Variants in RGS7 observed in about 807,000 individuals in gnomAD.
RGS7 encodes regulator of G protein signaling 7, also known as regulator of G-protein signaling 7.
In RGS7, 27 loss-of-function variants were observed where a neutral mutation model predicts 81.1. The observed-to-expected ratio is 0.33, with a 90% CI of 0.25 to 0.46. RGS7 has a LOEUF of 0.46. Among genes scored for constraint, RGS7 ranks in the 20% least tolerant of loss-of-function variants. The probability of loss-of-function intolerance (pLI) is 1.00; values close to 1 mark genes in which losing one functional copy is unlikely to be tolerated. For missense variants in RGS7, 396 were observed against 607.4 expected (o/e 0.65, Z 3.66); for synonymous variants, 208 against 207.7 (o/e 1.00, Z -0.01).
chr1:240,916,653 G>C (rs1055938788), intron 6 of RGS7, among the ~76,000 whole-genome samples: 1 of 152,188 alleles, frequency 6.6e-6, no homozygotes, highest in Non-Finnish European at 1.5e-5. Context: ...AAGAGACTCA[G>C]GAGATGGGCC....
At chr1:241,346,870 A>T (rs1289784657) in intron 2 of RGS7, among the ~76,000 whole-genome samples, 2 of 152,256 alleles carry the variant, frequency 1.3e-5, no homozygotes, top group Admixed American at 6.5e-5. Flanking sequence ...GTGACAAATG[A>T]CATTGATTTC....
At chr1:241,121,710 CTTTT>C (rs10681773) in intron 2 of RGS7, among the ~76,000 whole-genome samples, 25 of 66,400 alleles carry the variant, frequency 3.8e-4, no homozygotes, top group Middle Eastern at 0.019. Context: ...TGCAATTGTT[CTTTT>C]TTTTTTTTTT....
rs1158089696 is a variant in RGS7, at chr1:240,986,645, A to G, written c.176-3516T>C. 7.9e-3 allele frequency among the ~76,000 whole-genome samples: 11 copies of G among 1,390 alleles called. 5 individuals carry two copies. The highest frequency in any genetic ancestry group is 0.013 in the Non-Finnish European group (11 of 872). 0.9% of individuals were successfully genotyped at this position (1,390 alleles called of 152,430 possible). ...CGCCCAGGCTGGAGTGCAGTGGCGC[A>G]ATCTCGGCTCACTGCAGGCTCCGCC... On this transcript the variant is annotated intron_variant, in intron 3 of 18. Coordinates refer to ENST00000440928, the MANE Select transcript of RGS7 (RefSeq NM_001364886.1).
At chr1:241,327,532 T>G (rs1370806036) in intron 2 of RGS7, among the ~76,000 whole-genome samples, 1 of 152,194 alleles carries the variant, frequency 6.6e-6, no homozygotes, top group Non-Finnish European at 1.5e-5. Context: ...CTCCATCATG[T>G]GTCATTATTA....
chr1:240,886,359 T>C (rs1183302857), intron 6 of RGS7, among the ~76,000 whole-genome samples: 1 of 152,216 alleles, frequency 6.6e-6, no homozygotes, highest in Non-Finnish European at 1.5e-5. Context: ...AGTTCTGTCA[T>C]TCAAATCTGT....
At chr1:241,320,803 G>A (rs2081164279) in intron 2 of RGS7, among the ~76,000 whole-genome samples, 1 of 152,182 alleles carries the variant, frequency 6.6e-6, no homozygotes, top group African/African-American at 2.4e-5. Context: ...TGCACTTTCT[G>A]TAGCAGGAAC....
chr1:241,306,662 A>G (rs1470351261), intron 2 of RGS7, among the ~76,000 whole-genome samples: 3 of 87,388 alleles, frequency 3.4e-5, no homozygotes, highest in Non-Finnish European at 8.5e-5. Context: ...ACACAAATAC[A>G]TGTCCACCCA....
intron 4 of RGS7, among the ~76,000 whole-genome samples, chr1:240,970,185 T>G (rs759032976): frequency 3.3e-5 from 5 of 152,134 alleles, no homozygotes; most frequent in Non-Finnish European, 5.9e-5. Context: ...AACTGCAATA[T>G]AGTGATAGAG....
intron 3 of RGS7, among the ~76,000 whole-genome samples, chr1:241,068,674 T>C (rs2062241710): frequency 6.6e-6 from 1 of 152,024 alleles, no homozygotes; most frequent in South Asian, 2.1e-4. Context: ...GACTTGGAAA[T>C]GGAAGACAGA....
At chr1:241,110,867 T>A (rs1480838635) in intron 2 of RGS7, among the ~76,000 whole-genome samples, 1 of 152,014 alleles carries the variant, frequency 6.6e-6, no homozygotes, top group Non-Finnish European at 1.5e-5. Flanking sequence ...GTATTTTTAG[T>A]AGAGATGGGG....
chr1:240,870,852 T>C (rs1664365437), intron 6 of RGS7, among the ~76,000 whole-genome samples: 1 of 152,222 alleles, frequency 6.6e-6, no homozygotes, highest in African/African-American at 2.4e-5. Context: ...TCATGTACAC[T>C]GAAGACTTCT....
At chr1:240,791,827 T>A (rs1254842500) in intron 18 of RGS7, among the ~76,000 whole-genome samples, 2 of 152,214 alleles carry the variant, frequency 1.3e-5, no homozygotes, top group Non-Finnish European at 2.9e-5. Context: ...TTTTCCTAGA[T>A]ACTTAAAACA....
At chr1:240,959,942 C>T (rs901601138) in intron 4 of RGS7, among the ~76,000 whole-genome samples, 9 of 151,882 alleles carry the variant, frequency 5.9e-5, no homozygotes, top group Non-Finnish European at 4.4e-5. Context: ...GGTGGTTCAC[C>T]TGAGGTCAGG....
intron 2 of RGS7, among the ~76,000 whole-genome samples, chr1:241,201,370 A>G (rs977362122): frequency 2.0e-5 from 3 of 152,214 alleles, no homozygotes; most frequent in Non-Finnish European, 4.4e-5. Flanking sequence ...AGCAGAATAA[A>G]GAACAAACTC....
intron 6 of RGS7, among the ~76,000 whole-genome samples, chr1:240,915,601 C>A (rs1672473628): frequency 1.3e-5 from 2 of 152,164 alleles, no homozygotes; most frequent in South Asian, 4.1e-4. Flanking sequence ...GTAAACACAG[C>A]TCAATTACTA....
chr1:241,232,470 G>A (rs1038915790), intron 2 of RGS7, among the ~76,000 whole-genome samples: 2 of 152,078 alleles, frequency 1.3e-5, no homozygotes, highest in Non-Finnish European at 2.9e-5. Context: ...GCCTCACAAA[G>A]TGTTGGGATT....
At chr1:241,152,250 GAAC>G (rs553006195) in intron 2 of RGS7, among the ~76,000 whole-genome samples, 10 of 151,912 alleles carry the variant, frequency 6.6e-5, no homozygotes, top group Admixed American at 2.0e-4. Context: ...TGTAACTCTG[GAAC>G]AACAACAACA....
In RGS7 at chr1:241,214,235, C is replaced by T. The variant is rs183834186; in HGVS notation, c.79-115473G>A. On this transcript the variant is annotated intron_variant, in intron 2 of 18. Transcript: ENST00000440928. ...ACAAATTCTCTCGGTTTTTATTTAT[C>T]TTAATTTTTTTTATTATGCCTTCAT... 3.6e-3 allele frequency among the ~76,000 whole-genome samples: 554 copies of T among 151,920 alleles called. 1 individual carries two copies. Among genetic ancestry groups the T allele is most frequent in the African/African-American group, 0.013 (527 of 41,358 alleles).
rs1328027331 is a variant in RGS7, at chr1:240,968,416, C to G, written c.226+14663G>C. On this transcript the variant is annotated intron_variant, in intron 4 of 18. Coordinates refer to ENST00000440928, the MANE Select transcript of RGS7 (RefSeq NM_001364886.1). ...GTGCCTCCTGTGAAATGGAGATAAT[C>G]AGAATTCAACATGGTGCGTATAATG... is the stretch of plus-strand genomic sequence containing the variant. Among the ~76,000 whole-genome samples, 7 of 152,184 alleles carry G rather than the reference C, an allele frequency of 4.6e-5. No homozygotes were observed. In the East Asian group the frequency reaches 1.4e-3, roughly 29 times the overall value.
Sources: allele counts gnomAD v4.1 joint callset (sites outside exome capture counted in the v4.1 genomes callset), GRCh38; gene constraint gnomAD v4.1.1; transcripts MANE v1.5; gene names NCBI Gene and HGNC (gene_info 2026-07-23, HGNC 2026-07-21).